The following HID1 variants were observed in gnomAD, a reference collection of about 807,000 sequenced individuals.
The protein encoded by HID1 is HID1 domain containing.
HID1 carries 42 observed loss-of-function variants against 89.7 expected under a neutral mutation model. The observed-to-expected ratio is 0.47, with a 90% CI of 0.37 to 0.61. The LOEUF is 0.61. HID1 is among the 20% of genes least tolerant of loss of function. HID1 has a pLI of 0.00. For synonymous variants in HID1, 442 were observed against 433.8 expected (o/e 1.02, Z -0.24); for missense variants, 854 against 1,039.3 (o/e 0.82, Z 2.45).
chr17:74,953,780 G>A, intron 14 of HID1, 129 bp from the exon 15 acceptor site: 1 of 729,756 alleles, frequency 1.4e-6, no homozygotes, highest in Non-Finnish European at 2.3e-6. Context: ...GGCTCTAGAG[G>A]CAGTGTCTGA....
At chr17:74,952,897 C>T (rs576757569) in intron 16 of HID1, 109 bp downstream of exon 16, 13 of 797,958 alleles carry the variant, frequency 1.6e-5, no homozygotes, top group African/African-American at 1.4e-4. Flanking sequence ...GGACATCTTG[C>T]CATCTTCACT....
Position 74,959,832 on chromosome 17 carries a change from A to C in HID1, c.1008+49T>G. 1 of 1,589,808 alleles carries C rather than the reference A, an allele frequency of 6.3e-7. No individual in the cohort carries two copies. Among genetic ancestry groups the C allele is most frequent in the Non-Finnish European group, 8.6e-7 (1 of 1,159,064 alleles). On this transcript the variant is annotated intron_variant, in intron 8 of 18. Transcript: ENST00000425042. The surrounding 1 kb of genome is among the most constrained non-coding windows in gnomAD (Gnocchi z 4.6). ...TCAGGATCCCCCATATCCCTGTCTC[A>C]CTTGCATCCCCCTGCACCCTGCAAA...
Position 74,960,053 on chromosome 17 carries a change from G to A in HID1, c.924C>T (p.Thr308=). The change falls in exon 7 of 19, where the codon ACC becomes ACT. Residue 308 remains threonine, a synonymous_variant. Transcript: ENST00000425042. Reference sequence around the variant, plus strand: ...CGGCATCATCCATGGCGGTGCCAGTGGTGGTGCCGTCCACAGTGGGGCTGG... The same window carrying A: ...CGGCATCATCCATGGCGGTGCCAGTAGTGGTGCCGTCCACAGTGGGGCTGG... ...SSASPTVDGT[T]TGTAMDDADP... 1 of 1,613,662 alleles carries A rather than the reference G, an allele frequency of 6.2e-7. No individual in the cohort carries two copies. The highest frequency in any genetic ancestry group is 8.5e-7 in the Non-Finnish European group (1 of 1,179,940).
At position 74,954,143 on chromosome 17, in the gene HID1, G is replaced by A. The variant is rs143525855; in HGVS notation, c.1859C>T (p.Thr620Ile). 5.6e-6 allele frequency: 9 copies of A among 1,595,978 alleles called. No homozygotes were observed. Among genetic ancestry groups the A allele is most frequent in the Non-Finnish European group, 7.7e-6 (9 of 1,172,504 alleles). The change falls in exon 14 of 19, where the codon ACT becomes ATT. Residue 620 changes from threonine (T) to isoleucine (I), a missense_variant. By Grantham distance (89) the Thr-to-Ile change is moderately conservative. Transcript: ENST00000425042. ...CCCATCCACTAGCACCAGACCTGGAGTAGCCACCAGACTGGTCTTGAGGGT... is the reference window on the plus strand; with the variant it reads ...CCCATCCACTAGCACCAGACCTGGAATAGCCACCAGACTGGTCTTGAGGGT... Reference protein sequence around the residue: ...PGTLKTSLVATPGIDKLTEKS... With the variant: ...PGTLKTSLVAIPGIDKLTEKS...
At position 74,962,913 on chromosome 17, in the gene HID1, C is replaced by T. The variant is rs2039504635; in HGVS notation, c.504+52G>A. The stretch of plus-strand genomic sequence containing the variant: ...GGAACTTCAACTGGCCCGGCCCCAA[C>T]CCAGGACCAGAGCCTACTCCGCCTG... On this transcript the variant is annotated intron_variant, in intron 4 of 18. Coordinates refer to ENST00000425042, the MANE Select transcript of HID1 (RefSeq NM_030630.3). This position sits in a 1 kb window ranked among gnomAD's most constrained non-coding sequence, Gnocchi z 4.3. 72 of 1,401,016 alleles carry T rather than the reference C, an allele frequency of 5.1e-5. No individual in the cohort carries two copies. In the South Asian group the frequency reaches 7.5e-4, roughly 15 times the overall value. The allele number at this position is 1,401,016 out of a possible 1,614,324, so 86.8% of individuals were successfully genotyped here. A position where few individuals can be genotyped will look rare whatever the true frequency, so the allele number is the denominator to read the frequency against.
intron 1 of HID1, 142 bp from the exon 2 acceptor site, chr17:74,964,774 T>G: frequency 1.2e-6 from 1 of 809,150 alleles, no homozygotes; most frequent in Admixed American, 2.7e-5. Context: ...CCCACATGGG[T>G]GGGGGACATA....
intron 12 of HID1, 196 bp downstream of exon 12, chr17:74,957,945 T>C (rs1355346010): frequency 1.7e-6 from 1 of 588,188 alleles, no homozygotes; most frequent in Non-Finnish European, 3.0e-6. Flanking sequence ...GGCTACATGT[T>C]GAGATGATGA....
At chr17:74,963,163 A>C in intron 3 of HID1, 82 bp from the exon 4 acceptor site, 1 of 1,035,656 alleles carries the variant, frequency 9.7e-7, no homozygotes, top group South Asian at 1.5e-5. Context: ...GGTGGAGGAC[A>C]GGGGCTGAGC....
Position 74,961,647 on chromosome 17 carries a change from G to C in HID1, c.728+226C>G, listed in dbSNP as rs184368572. On this transcript the variant is annotated intron_variant, in intron 6 of 18. Transcript: ENST00000425042. The stretch of plus-strand genomic sequence containing the variant: ...TATTTCTACTGGACAGGCGGCTCTT[G>C]ATGGAGGACCCAGGGACGGATTACT... 2.4e-5 allele frequency: 8 copies of C among 329,288 alleles called. No homozygotes were observed. In the Admixed American group the frequency reaches 2.9e-4, roughly 12 times the overall value. The allele number at this position is 329,288 out of a possible 1,614,324, so 20.4% of individuals were successfully genotyped here.
intron 1 of HID1, 46 bp from the exon 2 acceptor site, chr17:74,964,678 G>T: frequency 6.4e-7 from 1 of 1,574,628 alleles, no homozygotes; most frequent in Non-Finnish European, 8.6e-7. Context: ...CCTGGCCAGA[G>T]GGCCTACACT....
At chr17:74,955,048 G>A (rs1005635590) in intron 13 of HID1, 1 of 157,040 alleles carries the variant, frequency 6.4e-6, no homozygotes, top group Non-Finnish European at 1.4e-5. Context: ...AACACCTTCT[G>A]AGACCAGGAC....
In HID1 at chr17:74,958,782, G is replaced by A. The variant is rs767077356; in HGVS notation, c.1150-19C>T. On this transcript the variant is annotated intron_variant, in intron 9 of 18. Transcript: ENST00000425042. This position sits in a 1 kb window ranked among gnomAD's most constrained non-coding sequence, Gnocchi z 5.2. ...GGAATTTCTAGGGGTGCGGGGAGGG[G>A]CCAAGTGGGCTGAGTTCAAGGGAGG... The A allele has an allele frequency of 6.2e-6, 10 of 1,610,870 alleles. No homozygotes were observed. The Admixed American group carries it at 1.3e-4, about 22-fold the overall frequency.
At chr17:74,961,679 C>A in intron 6 of HID1, 194 bp downstream of exon 6, 1 of 361,314 alleles carries the variant, frequency 2.8e-6, no homozygotes. Context: ...TACTGAGGGG[C>A]CCCCAGATTC....
At chr17:74,956,690 A>G (rs2039395659) in intron 12 of HID1, among the ~76,000 whole-genome samples, 1 of 152,216 alleles carries the variant, frequency 6.6e-6, no homozygotes, top group Non-Finnish European at 1.5e-5. Context: ...AGTCTAAACC[A>G]GAACACAGAC....
intron 15 of HID1, 50 bp downstream of exon 15, chr17:74,953,493 GGA>G: frequency 6.8e-7 from 1 of 1,475,202 alleles, no homozygotes; most frequent in Non-Finnish European, 9.4e-7. Flanking sequence ...CAGAGACCAG[GGA>G]GGAAGGGAAG....
chr17:74,967,069 T>C (rs2144827046), intron 1 of HID1, among the ~76,000 whole-genome samples: 1 of 149,448 alleles, frequency 6.7e-6, no homozygotes, highest in Non-Finnish European at 1.5e-5. Flanking sequence ...TGAAACCCCG[T>C]CTCTACTAAA....
intron 13 of HID1, among the ~76,000 whole-genome samples, chr17:74,955,289 T>A (rs1172163172): frequency 2.0e-5 from 3 of 152,188 alleles, no homozygotes; most frequent in Non-Finnish European, 4.4e-5. Flanking sequence ...TCATGCCTGT[T>A]ATCCCAGCAG....
intron 1 of HID1, among the ~76,000 whole-genome samples, chr17:74,971,745 G>A (rs1163081382): frequency 2.6e-5 from 4 of 152,244 alleles, no homozygotes; most frequent in African/African-American, 9.6e-5. Flanking sequence ...CAGAGAAGCA[G>A]TCTTGCTGGG....
intron 1 of HID1, among the ~76,000 whole-genome samples, chr17:74,971,046 G>A (rs2039638904): frequency 6.6e-6 from 1 of 152,244 alleles, no homozygotes; most frequent in Admixed American, 6.5e-5. Flanking sequence ...TGTAGCCAGG[G>A]AAAGACAGAG....
Sources: allele counts gnomAD v4.1 joint callset (sites outside exome capture counted in the v4.1 genomes callset), GRCh38; gene constraint gnomAD v4.1.1; non-coding constraint Gnocchi (gnomAD v3.1); transcripts MANE v1.5; gene names NCBI Gene and HGNC (gene_info 2026-07-23, HGNC 2026-07-21).